The following CNGB3 variants were observed in gnomAD, a reference collection of about 807,000 sequenced individuals.
The protein encoded by CNGB3 is cyclic nucleotide gated channel subunit beta 3.
A neutral mutation model predicts 92.8 loss-of-function variants in CNGB3; 86 were observed. The observed-to-expected ratio is 0.93, with a 90% CI of 0.78 to 1.11. CNGB3 has a LOEUF of 1.11. Ranked by LOEUF, CNGB3 falls within the 50% of genes least tolerant of loss-of-function variation. CNGB3 has a pLI of 0.00. For synonymous variants in CNGB3, 333 were observed against 332.7 expected (o/e 1.00, Z -0.01); for missense variants, 1,026 against 956.8 (o/e 1.07, Z -0.95).
rs755429797 is a variant in CNGB3 at position 86,671,084 on chromosome 8, G to A, written c.353C>T (p.Pro118Leu). The A allele has an allele frequency of 6.2e-6, 10 of 1,613,658 alleles. No individual in the cohort carries two copies. The highest frequency in any genetic ancestry group is 1.7e-5 in the Admixed American group (1 of 59,990). ...KEGPNSPQNKPPAAPVINEYA... is the reference protein window; with the variant it reads ...KEGPNSPQNKLPAAPVINEYA... ...CTCATTTATAACAGGAGCTGCAGGC[G>A]GTTTGTTTTGTGGGCTAAATGAGAA... Residue 118 changes from proline (P) to leucine (L), a missense_variant, in exon 4 of 18, where the codon CCG becomes CTG. Transcript: ENST00000320005.
At position 86,600,074 on chromosome 8, in the gene CNGB3, G is replaced by A. The variant is rs1822258224; in HGVS notation, c.1781+4019C>T. On this transcript the variant is annotated intron_variant, in intron 15 of 17. Transcript: ENST00000320005. ...TTGTACTCTGTTCCTTTATTTCTCA[G>A]ACCAGCCAACACTTAGGGAAAATAG... Among the ~76,000 whole-genome samples the A allele has an allele frequency of 2.0e-5, 3 of 152,038 alleles. No homozygotes were observed. The South Asian group carries it at 6.2e-4, about 32-fold the overall frequency.
chr8:86,658,624 G>T (rs1823567340), intron 6 of CNGB3: 2 of 346,282 alleles, frequency 5.8e-6, no homozygotes, highest in Admixed American at 4.0e-5. Context: ...TCTCACTACT[G>T]CTGTAGACTC....
chr8:86,729,416 TC>T (rs1353233301), intron 2 of CNGB3, among the ~76,000 whole-genome samples: 2 of 152,372 alleles, frequency 1.3e-5, no homozygotes, highest in Non-Finnish European at 2.9e-5. Flanking sequence ...TCTAGGTAGA[TC>T]TTAGCAACTT....
intron 14 of CNGB3, among the ~76,000 whole-genome samples, chr8:86,608,898 G>T (rs535841859): frequency 1.3e-4 from 20 of 152,166 alleles, no homozygotes; most frequent in African/African-American, 4.8e-4. Flanking sequence ...GGCCACTACC[G>T]GTCTCCGCGC....
intron 6 of CNGB3, chr8:86,658,577 G>T (rs963534598): frequency 2.6e-5 from 9 of 346,032 alleles, no homozygotes; most frequent in Non-Finnish European, 4.4e-5. Context: ...CCTGCTGATA[G>T]GTGGCCACAT....
chr8:86,612,757 T>C (rs1293229815), intron 13 of CNGB3, among the ~76,000 whole-genome samples: 1 of 152,160 alleles, frequency 6.6e-6, no homozygotes, highest in African/African-American at 2.4e-5. Context: ...TTTTTAAAAA[T>C]CACTTCAGAA....
intron 15 of CNGB3, among the ~76,000 whole-genome samples, chr8:86,581,593 A>G (rs1320806590): frequency 1.3e-5 from 2 of 152,190 alleles, no homozygotes; most frequent in African/African-American, 4.8e-5. Context: ...CATTTTTCCC[A>G]ATGCAGCCCC....
At chr8:86,683,780 G>A (rs1195990296) in intron 3 of CNGB3, among the ~76,000 whole-genome samples, 2 of 152,022 alleles carry the variant, frequency 1.3e-5, no homozygotes, top group Non-Finnish European at 2.9e-5. Flanking sequence ...GCAACTGGAC[G>A]GCCATAGGCA....
chr8:86,659,249 G>C lies in CNGB3; in HGVS notation c.853-5187C>G. 7.8e-6 allele frequency: 6 copies of C among 765,966 alleles called. No individual in the cohort carries two copies. In the South Asian group the frequency reaches 8.4e-5, roughly 11 times the overall value. 47.4% of individuals were successfully genotyped at this position (765,966 alleles called of 1,614,324 possible). On this transcript the variant is annotated intron_variant, in intron 6 of 17. Transcript: ENST00000320005. Reference sequence around the variant, plus strand: ...CTCCTTTCAGATTTTCAGTATATTGGTCTTTCTCCATCTGTAGCTGTTTCA... The same window carrying C: ...CTCCTTTCAGATTTTCAGTATATTGCTCTTTCTCCATCTGTAGCTGTTTCA...
At chr8:86,594,520 G>C in intron 15 of CNGB3, 5 of 325,082 alleles carry the variant, frequency 1.5e-5, no homozygotes, top group South Asian at 1.4e-4. Context: ...CCTTGTCTTT[G>C]GCAGCCTCTT....
At chr8:86,576,299 C>G (rs1363096786) in intron 17 of CNGB3, among the ~76,000 whole-genome samples, 169 bp from the exon 18 acceptor site, 1 of 151,906 alleles carries the variant, frequency 6.6e-6, no homozygotes, top group African/African-American at 2.4e-5. Context: ...GATGAAGTTT[C>G]TGGTGTGCTA....
intron 3 of CNGB3, among the ~76,000 whole-genome samples, chr8:86,704,666 G>A (rs1824619344): frequency 6.6e-6 from 1 of 152,146 alleles, no homozygotes; most frequent in Admixed American, 6.6e-5. Flanking sequence ...CAAGGGCACT[G>A]TAGCAGTCAT....
intron 3 of CNGB3, 73 bp downstream of exon 3, chr8:86,726,458 T>C (rs1448575376): frequency 7.6e-6 from 12 of 1,589,210 alleles, no homozygotes; most frequent in Non-Finnish European, 3.5e-6. Flanking sequence ...AAGGGGAGAG[T>C]GGATATTTGA....
intron 15 of CNGB3, among the ~76,000 whole-genome samples, chr8:86,591,882 T>A (rs1439970127): frequency 6.6e-6 from 1 of 151,424 alleles, no homozygotes; most frequent in African/African-American, 2.5e-5. Flanking sequence ...TTCGAGCTTC[T>A]GGGCTGCTTT....
intron 15 of CNGB3, among the ~76,000 whole-genome samples, chr8:86,589,335 T>A (rs1285039025): frequency 2.0e-5 from 3 of 150,358 alleles, no homozygotes; most frequent in Admixed American, 1.3e-4. Flanking sequence ...TGTCTCTATT[T>A]CCTTCAGTTC....
At chr8:86,741,722 C>G (rs1461756290) in intron 1 of CNGB3, among the ~76,000 whole-genome samples, 1 of 152,076 alleles carries the variant, frequency 6.6e-6, no homozygotes, top group Admixed American at 6.6e-5. Flanking sequence ...CGATTAATAT[C>G]CACAAATTAT....
At chr8:86,584,133 G>A (rs1489613483) in intron 15 of CNGB3, among the ~76,000 whole-genome samples, 1 of 152,136 alleles carries the variant, frequency 6.6e-6, no homozygotes, top group Non-Finnish European at 1.5e-5. Context: ...ATCTATCTAT[G>A]TATCTACGTA....
chr8:86,632,914 CA>C lies in CNGB3; in HGVS notation c.1179-22del, dbSNP rs139000372. The C allele has an allele frequency of 2.5e-3, 4,041 of 1,610,842 alleles. 96 individuals are homozygous for C. In the African/African-American group the frequency reaches 0.048, roughly 19 times the overall value. On this transcript the variant is annotated intron_variant, in intron 10 of 17. Coordinates refer to ENST00000320005, the MANE Select transcript of CNGB3 (RefSeq NM_019098.5). ...GATACCTGTGAAAACAGAAGATATA[CA>C]TTTTGCTTTTTTTCTATATCATCGA...
chr8:86,687,111 A>T (rs950527718), intron 3 of CNGB3, among the ~76,000 whole-genome samples: 1 of 152,022 alleles, frequency 6.6e-6, no homozygotes, highest in Non-Finnish European at 1.5e-5. Context: ...GGATGGCTAT[A>T]ATAAGAAAAA....
Sources: gnomAD v4.1 joint callset for allele counts (sites outside exome capture counted in the v4.1 genomes callset) on GRCh38, gnomAD v4.1.1 for gene constraint, MANE v1.5 for transcripts, NCBI Gene and HGNC (gene_info 2026-07-23, HGNC 2026-07-21) for gene names.